Variants in CALN1 observed in about 807,000 individuals in gnomAD.
The protein encoded by CALN1 is calneuron 1, also known as calcium-binding protein 8.
Under a neutral mutation model 30.6 loss-of-function variants are expected in CALN1, and 17 were observed. The observed-to-expected ratio is 0.56, with a 90% confidence interval of 0.38 to 0.83. CALN1 has a LOEUF of 0.83. Among genes scored for constraint, CALN1 ranks in the 40% least tolerant of loss-of-function variants. The pLI, the probability that CALN1 is intolerant of heterozygous loss-of-function variation, is 0.00. For synonymous variants in CALN1, 156 were observed against 131.4 expected, an observed-to-expected ratio of 1.19 and a Z score of -1.28; for missense variants, 291 against 354.9, an observed-to-expected ratio of 0.82 and a Z score of 1.45.
chr7:72,232,060 G>A (rs1257930300), intron 3 of CALN1, among the ~76,000 whole-genome samples: 1 of 152,198 alleles, frequency 6.6e-6, no homozygotes, highest in African/African-American at 2.4e-5. Context: ...ATCCCCTACA[G>A]GCTGGGGCCA....
chr7:72,107,648 C>T (rs1310107149), intron 3 of CALN1, among the ~76,000 whole-genome samples: 1 of 152,158 alleles, frequency 6.6e-6, no homozygotes, highest in Non-Finnish European at 1.5e-5. Context: ...TTAATTGTTT[C>T]TGAGCACACC....
At chr7:72,139,102 A>G (rs1809705800) in intron 3 of CALN1, among the ~76,000 whole-genome samples, 1 of 152,054 alleles carries the variant, frequency 6.6e-6, no homozygotes, top group African/African-American at 2.4e-5. Context: ...TCAGCTTCAA[A>G]TTTCTCACTG....
chr7:72,384,467 G>A (rs1805087545), intron 2 of CALN1, among the ~76,000 whole-genome samples: 1 of 152,018 alleles, frequency 6.6e-6, no homozygotes. Context: ...ATTAATTTGG[G>A]TTAATGAAAA....
chr7:72,451,221 G>A (rs1461929995), upstream of CALN1, among the ~76,000 whole-genome samples: 544 of 130,242 alleles, frequency 4.2e-3, no homozygotes, highest in African/African-American at 0.019. Flanking sequence ...GGAGGAGGAG[G>A]AGGAGGAGGA....
chr7:71,854,141 C>T (rs1007537679), intron 5 of CALN1, among the ~76,000 whole-genome samples: 37 of 151,996 alleles, frequency 2.4e-4, no homozygotes, highest in Admixed American at 2.2e-3. Flanking sequence ...TTTAAAAAGT[C>T]TTTACACAAC....
intron 2 of CALN1, among the ~76,000 whole-genome samples, chr7:72,387,798 ACAC>A (rs1243981684): frequency 4.6e-5 from 7 of 152,204 alleles, no homozygotes; most frequent in Admixed American, 3.9e-4. Flanking sequence ...AGAAGGACAA[ACAC>A]CACATGATCT....
At chr7:71,798,402 T>C (rs1184043616) in intron 6 of CALN1, among the ~76,000 whole-genome samples, 1 of 152,022 alleles carries the variant, frequency 6.6e-6, no homozygotes, top group Non-Finnish European at 1.5e-5. Flanking sequence ...ACAGCCTCAA[T>C]CTCTTAGGCT....
chr7:71,892,810 G>A (rs556375730), intron 5 of CALN1, among the ~76,000 whole-genome samples: 5 of 152,164 alleles, frequency 3.3e-5, no homozygotes, highest in African/African-American at 9.6e-5. Flanking sequence ...TATGTTCTGA[G>A]TTTTGTATGT....
intron 2 of CALN1, among the ~76,000 whole-genome samples, chr7:72,305,815 T>A (rs1432051311): frequency 6.6e-6 from 1 of 152,112 alleles, no homozygotes; most frequent in Non-Finnish European, 1.5e-5. Flanking sequence ...GTCAACATGG[T>A]CAGGTTCTGA....
intron 4 of CALN1, among the ~76,000 whole-genome samples, chr7:72,072,729 T>C (rs1403132552): frequency 2.0e-5 from 3 of 152,208 alleles, no homozygotes; most frequent in Non-Finnish European, 2.9e-5. Flanking sequence ...GCCCATATAA[T>C]GTATAAAGAG....
At chr7:72,081,065 A>T (rs539344515) in intron 4 of CALN1, among the ~76,000 whole-genome samples, 2 of 152,238 alleles carry the variant, frequency 1.3e-5, no homozygotes, top group African/African-American at 2.4e-5. Flanking sequence ...CACTTTTCGC[A>T]ATTGATCATG....
intron 3 of CALN1, among the ~76,000 whole-genome samples, chr7:72,261,426 G>GT (rs1468098554): frequency 1.0e-5 from 1 of 96,056 alleles, no homozygotes; most frequent in Non-Finnish European, 2.1e-5. Flanking sequence ...TATTTCAGAA[G>GT]CTTTTTTTTT....
chr7:72,383,849 C>A (rs1392622515), intron 2 of CALN1, among the ~76,000 whole-genome samples: 1 of 152,154 alleles, frequency 6.6e-6, no homozygotes, highest in African/African-American at 2.4e-5. Context: ...TCACAATAAT[C>A]CCCCTTTTTA....
At chr7:72,309,695 C>T (rs963041192) in intron 2 of CALN1, among the ~76,000 whole-genome samples, 2 of 152,146 alleles carry the variant, frequency 1.3e-5, no homozygotes, top group Non-Finnish European at 2.9e-5. Context: ...TGTGCACTGT[C>T]GTCTCCTGTC....
chr7:72,297,560 C>G (rs994622579), intron 2 of CALN1, among the ~76,000 whole-genome samples: 1 of 152,080 alleles, frequency 6.6e-6, no homozygotes, highest in African/African-American at 2.4e-5. Flanking sequence ...TTAGCGAAAA[C>G]AAGATGATTT....
At chr7:72,446,395 CG>C (rs1334244439) in intron 1 of CALN1, among the ~76,000 whole-genome samples, 1 of 152,066 alleles carries the variant, frequency 6.6e-6, no homozygotes, top group Non-Finnish European at 1.5e-5. Flanking sequence ...ACCTGAGACT[CG>C]GCTAGAAGTG....
In CALN1 at chr7:71,835,381, C is replaced by T. The variant is rs555821817; in HGVS notation, c.502-24889G>A. On this transcript the variant is annotated intron_variant, in intron 5 of 6. Transcript: ENST00000395275. ...GTAACCACAGGGAAACATGGCGGCA[C>T]GGGGTAAGTGGTAGAAATATCTATT... Among the ~76,000 whole-genome samples, 17 of 152,234 alleles carry T rather than the reference C, an allele frequency of 1.1e-4. No individual in the cohort carries two copies. In the South Asian group the frequency reaches 1.2e-3, roughly 11 times the overall value.
chr7:72,401,993 G>A (rs1484412160), intron 2 of CALN1, among the ~76,000 whole-genome samples: 2 of 152,146 alleles, frequency 1.3e-5, no homozygotes, highest in African/African-American at 4.8e-5. Flanking sequence ...TTGGTGGAAG[G>A]TCCTCTCCTG....
At position 72,193,112 on chromosome 7, in the gene CALN1, C is replaced by G. The variant is rs547170437; in HGVS notation, c.244+85574G>C. Among the ~76,000 whole-genome samples, 11 of 151,746 alleles carry G rather than the reference C, an allele frequency of 7.2e-5. No homozygotes were observed. The South Asian group carries it at 2.3e-3, about 32-fold the overall frequency. On this transcript the variant is annotated intron_variant, in intron 3 of 6. Coordinates refer to ENST00000395275, the MANE Select transcript of CALN1 (RefSeq NM_031468.4). Reference sequence around the variant, plus strand: ...CTGAAGCAGGAGAACCGCTTGAACACAGGAAGCAGAGGTTGCAGTGAATCA... The same window carrying G: ...CTGAAGCAGGAGAACCGCTTGAACAGAGGAAGCAGAGGTTGCAGTGAATCA...
Sources: gnomAD v4.1 joint callset for allele counts (sites outside exome capture counted in the v4.1 genomes callset) on GRCh38, gnomAD v4.1.1 for gene constraint, MANE v1.5 for transcripts, NCBI Gene and HGNC (gene_info 2026-07-23, HGNC 2026-07-21) for gene names.